The following RHCE variants were observed in gnomAD, a reference collection of about 807,000 sequenced individuals.
RHCE encodes Rh blood group CcEe antigens, also known as blood group Rh(CE) polypeptide.
RHCE carries 22 observed loss-of-function variants against 43.8 expected under a neutral mutation model. The ratio of observed to expected loss-of-function variants is 0.50; its 90% CI spans 0.36 to 0.72. RHCE has a LOEUF of 0.72. Among genes scored for constraint, RHCE ranks in the 30% least tolerant of loss-of-function variants. The pLI, the probability that RHCE is intolerant of heterozygous loss-of-function variation, is 0.00. For synonymous variants in RHCE, 156 were observed against 210.7 expected, an observed-to-expected ratio of 0.74 and a Z score of 2.25; for missense variants, 385 against 525.4, an observed-to-expected ratio of 0.73 and a Z score of 2.61.
chr1:25,417,148 CA>C (rs35379366), intron 1 of RHCE, among the ~76,000 whole-genome samples: 79,727 of 144,574 alleles, frequency 0.55, 21,545 homozygotes, highest in African/African-American at 0.65. Flanking sequence ...AAAACAAAAA[CA>C]AAAAAAAAAC....
chr1:25,422,886 G>A (rs1433732083), upstream of RHCE, among the ~76,000 whole-genome samples: 1 of 152,132 alleles, frequency 6.6e-6, no homozygotes, highest in Admixed American at 6.6e-5. Flanking sequence ...TCTCATGCGC[G>A]GTTCCCAATA....
intron 7 of RHCE, among the ~76,000 whole-genome samples, chr1:25,378,597 G>A (rs1458375820): frequency 6.6e-6 from 1 of 152,160 alleles, no homozygotes; most frequent in Non-Finnish European, 1.5e-5. Flanking sequence ...TCAGGCATGG[G>A]AAACTCATAT....
chr1:25,373,788 T>C lies in RHCE; in HGVS notation c.1153+1561A>G, dbSNP rs558701354. On this transcript the variant is annotated intron_variant, in intron 8 of 9. Coordinates refer to ENST00000294413, the MANE Select transcript of RHCE (RefSeq NM_020485.8). ...ATATGGGTGTCTAACCAATAAAAGA[T>C]GTTTGCTTGTAGAATAACAAGTTCT... 6.5e-4 allele frequency among the ~76,000 whole-genome samples: 98 copies of C among 151,616 alleles called. 4 individuals carry two copies. Among genetic ancestry groups the C allele is most frequent in the Admixed American group, 2.8e-3 (43 of 15,244 alleles).
At chr1:25,419,509 A>G (rs2042705920) in intron 1 of RHCE, among the ~76,000 whole-genome samples, 1 of 152,108 alleles carries the variant, frequency 6.6e-6, no homozygotes, top group Non-Finnish European at 1.5e-5. Flanking sequence ...CAACCTAGGA[A>G]CAAGCAAGCA....
intron 7 of RHCE, among the ~76,000 whole-genome samples, chr1:25,375,845 G>A (rs1372563632): frequency 7.4e-5 from 9 of 121,954 alleles, no homozygotes; most frequent in Non-Finnish European, 1.3e-4. Flanking sequence ...TCACTCTGTC[G>A]TCCAGACTGG....
chr1:25,387,877 G>A (rs1381710721), intron 6 of RHCE, among the ~76,000 whole-genome samples: 3 of 151,720 alleles, frequency 2.0e-5, no homozygotes, highest in Non-Finnish European at 2.9e-5. Flanking sequence ...CTGGAGTGCA[G>A]TGGCGCAATT....
In RHCE at chr1:25,412,719, A is replaced by T. The variant is rs1237641307; in HGVS notation, c.149-3850T>A. 6.5e-3 allele frequency among the ~76,000 whole-genome samples: 948 copies of T among 145,320 alleles called. 17 individuals are homozygous for T. Among genetic ancestry groups the T allele is most frequent in the African/African-American group, 0.024 (916 of 38,256 alleles). On this transcript the variant is annotated intron_variant, in intron 1 of 9. Transcript: ENST00000294413. ...GACAGAGGGAGACCCTTTTTTTAAA[A>T]AAAAAAAAAAAAAAAAAAAAAAAGG... is the stretch of plus-strand genomic sequence containing the variant.
chr1:25,388,784 G>C (rs1646263560), intron 6 of RHCE, among the ~76,000 whole-genome samples, 192 bp downstream of exon 6: 5 of 152,204 alleles, frequency 3.3e-5, no homozygotes, highest in Admixed American at 3.3e-4. Flanking sequence ...AATGGGTTCT[G>C]CCACCTGCTC....
At chr1:25,402,783 G>T (rs1646799479) in intron 2 of RHCE, 37 bp from the exon 3 acceptor site, 1 of 1,611,526 alleles carries the variant, frequency 6.2e-7, no homozygotes, top group African/African-American at 1.3e-5. Context: ...GACTGAGAAG[G>T]AAGGATGCCT....
chr1:25,428,079 TC>T (rs1264074552), intron 2 of RHCE, among the ~76,000 whole-genome samples: 1 of 152,220 alleles, frequency 6.6e-6, no homozygotes, highest in African/African-American at 2.4e-5. Flanking sequence ...TCCCAGCCAC[TC>T]CGCACTTTTG....
At chr1:25,379,697 C>T (rs1485962288) in intron 7 of RHCE, among the ~76,000 whole-genome samples, 1 of 148,862 alleles carries the variant, frequency 6.7e-6, no homozygotes, top group Non-Finnish European at 1.5e-5. Flanking sequence ...TTTGTAGAGA[C>T]AGAGTCTCAC....
chr1:25,395,808 T>C (rs1167105885), intron 3 of RHCE, among the ~76,000 whole-genome samples: 1 of 152,154 alleles, frequency 6.6e-6, no homozygotes, highest in Non-Finnish European at 1.5e-5. Flanking sequence ...GAAGGAAAGA[T>C]GGAATTAGAA....
chr1:25,362,915 A>G (rs113026442), intron 9 of RHCE, among the ~76,000 whole-genome samples: 8 of 60 alleles, frequency 0.13, 1 homozygote, highest in Non-Finnish European at 0.21. Flanking sequence ...TTTCTTCTAC[A>G]TGCCAGTTTT....
intron 7 of RHCE, among the ~76,000 whole-genome samples, chr1:25,384,787 G>A (rs943463938): frequency 4.6e-5 from 7 of 152,140 alleles, no homozygotes; most frequent in African/African-American, 1.7e-4. Context: ...GGTTCCAGCC[G>A]GGTGACCTTG....
intron 7 of RHCE, among the ~76,000 whole-genome samples, chr1:25,375,793 T>C (rs546134897): frequency 0.017 from 1,996 of 114,936 alleles, 17 homozygotes; most frequent in Non-Finnish European, 0.025. Flanking sequence ...CTCTCTCTCT[T>C]TTTTTTTTTT....
chr1:25,417,510 A>G (rs1260594848), intron 1 of RHCE, among the ~76,000 whole-genome samples: 2 of 152,216 alleles, frequency 1.3e-5, no homozygotes, highest in Admixed American at 6.5e-5. Flanking sequence ...GATTTAAAAA[A>G]TGTCGATCTA....
At chr1:25,401,410 C>T (rs570468062) in intron 3 of RHCE, among the ~76,000 whole-genome samples, 2 of 152,104 alleles carry the variant, frequency 1.3e-5, no homozygotes, top group African/African-American at 2.4e-5. Flanking sequence ...TGTGGGTTCT[C>T]GCTTGGGTTC....
intron 7 of RHCE, among the ~76,000 whole-genome samples, chr1:25,378,404 A>G (rs2518085): frequency 6.6e-6 from 1 of 152,250 alleles, no homozygotes; most frequent in East Asian, 1.9e-4. Context: ...AATAGCTCCA[A>G]ACTGGAAACT....
At chr1:25,378,914 G>GA (rs1229022982) in intron 7 of RHCE, among the ~76,000 whole-genome samples, 2 of 152,026 alleles carry the variant, frequency 1.3e-5, no homozygotes, top group African/African-American at 4.8e-5. Flanking sequence ...TATCCCAGTG[G>GA]AAAAAAAGTA....
Sources: allele counts gnomAD v4.1 joint callset (sites outside exome capture counted in the v4.1 genomes callset), GRCh38; gene constraint gnomAD v4.1.1; transcripts MANE v1.5; gene names NCBI Gene and HGNC (gene_info 2026-07-23, HGNC 2026-07-21).